Variants in ZNF704 observed in about 807,000 individuals in gnomAD.
ZNF704 encodes the protein glucocorticoid induced gene 1.
A neutral mutation model predicts 44.7 loss-of-function variants in ZNF704; 10 were observed. The ratio of observed to expected loss-of-function variants is 0.22; its 90% CI spans 0.14 to 0.38. The LOEUF is 0.38. ZNF704 is among the 10% of genes least tolerant of loss of function. The pLI is 1.00. For synonymous variants in ZNF704, 211 were observed against 207.6 expected (o/e 1.02, Z -0.14); for missense variants, 390 against 545.5 (o/e 0.71, Z 2.84).
chr8:80,733,952 G>A (rs1806623799), intron 2 of ZNF704, among the ~76,000 whole-genome samples: 1 of 152,064 alleles, frequency 6.6e-6, no homozygotes, highest in Admixed American at 6.6e-5. Flanking sequence ...AGTCACCTCA[G>A]AAAACAAAAG....
intron 2 of ZNF704, among the ~76,000 whole-genome samples, chr8:80,742,136 T>C (rs1362799402): frequency 6.6e-6 from 1 of 151,492 alleles, no homozygotes; most frequent in Non-Finnish European, 1.5e-5. Flanking sequence ...ACTGCCGGGG[T>C]CATCAGAAAG....
intron 1 of ZNF704, among the ~76,000 whole-genome samples, chr8:80,872,047 T>C (rs1471697999): frequency 6.6e-6 from 1 of 152,246 alleles, no homozygotes; most frequent in Non-Finnish European, 1.5e-5. Flanking sequence ...TTATTGTTTC[T>C]ATCACAAATT....
In ZNF704 at chr8:80,746,479, T is replaced by C. The variant is rs185042365; in HGVS notation, c.222-53372A>G. 1.2e-4 allele frequency among the ~76,000 whole-genome samples: 18 copies of C among 152,340 alleles called. No individual in the cohort carries two copies. The East Asian group carries it at 3.5e-3, about 29-fold the overall frequency. ...GGATATTGTACTGAATGTGATAGTT[T>C]GAGGCTTTACTCTTATGGGGTTCAC... is the stretch of plus-strand genomic sequence containing the variant. On this transcript the variant is annotated intron_variant, in intron 2 of 8. Transcript: ENST00000327835.
intron 7 of ZNF704, among the ~76,000 whole-genome samples, chr8:80,657,983 A>G (rs565774446): frequency 2.0e-5 from 3 of 152,298 alleles, no homozygotes; most frequent in African/African-American, 7.2e-5. Context: ...AACGAGTGAT[A>G]TAAGGTATCC....
chr8:80,687,167 G>A (rs767763976), intron 4 of ZNF704, 59 bp downstream of exon 4: 26 of 1,487,390 alleles, frequency 1.7e-5, no homozygotes, highest in Non-Finnish European at 2.3e-5. Context: ...GCCCTTCAGA[G>A]GGGACAGAAA....
intron 2 of ZNF704, among the ~76,000 whole-genome samples, chr8:80,782,006 A>C (rs1044805291): frequency 6.6e-6 from 1 of 152,206 alleles, no homozygotes; most frequent in African/African-American, 2.4e-5. Context: ...GGCTTTTGCT[A>C]TATCTCATAA....
intron 2 of ZNF704, among the ~76,000 whole-genome samples, chr8:80,761,593 C>T (rs1467467951): frequency 6.6e-6 from 1 of 152,034 alleles, no homozygotes; most frequent in Non-Finnish European, 1.5e-5. Context: ...AATAAAAATT[C>T]CTTGAGACAT....
chr8:80,675,515 A>T (rs1343531815), intron 4 of ZNF704, among the ~76,000 whole-genome samples: 1 of 152,114 alleles, frequency 6.6e-6, no homozygotes, highest in Admixed American at 6.5e-5. Context: ...TAGAAAACAA[A>T]TGTAATCACC....
rs149951768 is a variant in ZNF704 at position 80,648,572 on chromosome 8, A to G, written c.1033-5443T>C. On this transcript the variant is annotated intron_variant, in intron 7 of 8. Coordinates refer to ENST00000327835, the MANE Select transcript of ZNF704 (RefSeq NM_001033723.3). ...TTATCTCTTTTAATTCTCACAGAAAACTTGCAAAATAAATAATCTATATCT... is the reference window on the plus strand; with the variant it reads ...TTATCTCTTTTAATTCTCACAGAAAGCTTGCAAAATAAATAATCTATATCT... Among the ~76,000 whole-genome samples the G allele has an allele frequency of 8.4e-3, 1,274 of 152,322 alleles. 12 individuals carry two copies. The highest frequency in any genetic ancestry group is 0.014 in the Non-Finnish European group (921 of 68,032).
At chr8:80,820,461 G>A (rs1808250239) in intron 2 of ZNF704, among the ~76,000 whole-genome samples, 1 of 152,082 alleles carries the variant, frequency 6.6e-6, no homozygotes, top group Admixed American at 6.5e-5. Context: ...CCTCTTGGTT[G>A]AGTTTTAAAG....
At chr8:80,880,852 A>T in the ZNF704 span, among the ~76,000 whole-genome samples, 5 of 152,246 alleles carry the variant, frequency 3.3e-5, no homozygotes, top group Non-Finnish European at 7.3e-5. Context: ...TAAAATCAAG[A>T]ATTAATATGC....
chr8:80,720,824 G>T (rs1008863306), intron 2 of ZNF704, among the ~76,000 whole-genome samples: 2 of 152,224 alleles, frequency 1.3e-5, no homozygotes, highest in African/African-American at 4.8e-5. Flanking sequence ...ACTGCCCATT[G>T]GTTAGTCTCA....
chr8:80,698,235 A>C (rs1274518490), intron 2 of ZNF704, among the ~76,000 whole-genome samples: 1 of 152,128 alleles, frequency 6.6e-6, no homozygotes, highest in Non-Finnish European at 1.5e-5. Context: ...AATAAACATA[A>C]ACTTACAAAT....
chr8:80,830,782 G>C (rs1292270487), intron 1 of ZNF704, among the ~76,000 whole-genome samples: 1 of 129,354 alleles, frequency 7.7e-6, no homozygotes, highest in Non-Finnish European at 1.6e-5. Context: ...TTTTCAGATG[G>C]AGTCTCGCTC....
At chr8:80,829,035 T>C (rs903904998) in intron 1 of ZNF704, among the ~76,000 whole-genome samples, 6 of 152,212 alleles carry the variant, frequency 3.9e-5, no homozygotes, top group Non-Finnish European at 7.3e-5. Flanking sequence ...TCACCCACTT[T>C]GGTTTACTTG....
At position 80,874,057 on chromosome 8, in the gene ZNF704, G is replaced by T. The variant is rs1028044142; in HGVS notation, c.-22+514C>A. The stretch of plus-strand genomic sequence containing the variant: ...GCCGCGCCTGCATGCCTGAGCGCGG[G>T]GTTGCGGGCCGCGGCGCGGGGCCGG... On this transcript the variant is annotated intron_variant, in intron 1 of 8. Coordinates refer to ENST00000327835, the MANE Select transcript of ZNF704 (RefSeq NM_001033723.3). The surrounding 1 kb of genome is among the most constrained non-coding windows in gnomAD (Gnocchi z 4.4). 2.5e-4 allele frequency among the ~76,000 whole-genome samples: 36 copies of T among 146,900 alleles called. No homozygotes were observed. Among genetic ancestry groups the T allele is most frequent in the Non-Finnish European group, 3.5e-4 (23 of 65,994 alleles).
chr8:80,866,913 C>G (rs997085854), intron 1 of ZNF704, among the ~76,000 whole-genome samples: 1 of 152,138 alleles, frequency 6.6e-6, no homozygotes, highest in African/African-American at 2.4e-5. Flanking sequence ...CTTGGCTCCT[C>G]CCTACTAGGA....
intron 2 of ZNF704, among the ~76,000 whole-genome samples, chr8:80,785,369 T>C (rs1279963232): frequency 6.6e-6 from 1 of 152,188 alleles, no homozygotes; most frequent in Non-Finnish European, 1.5e-5. Flanking sequence ...ACTCTTTTTT[T>C]CCTCTTTTGC....
At chr8:80,688,919 A>G (rs777774671) in intron 3 of ZNF704, among the ~76,000 whole-genome samples, 1 of 147,824 alleles carries the variant, frequency 6.8e-6, no homozygotes, top group Non-Finnish European at 1.5e-5. Context: ...ACATGGTGCC[A>G]CTGCACTCCA....
Sources: allele counts gnomAD v4.1 joint callset (sites outside exome capture counted in the v4.1 genomes callset), GRCh38; gene constraint gnomAD v4.1.1; non-coding constraint Gnocchi (gnomAD v3.1); transcripts MANE v1.5; gene names NCBI Gene and HGNC (gene_info 2026-07-23, HGNC 2026-07-21).